Variants in COL27A1 observed in about 807,000 individuals in gnomAD.
The protein encoded by COL27A1 is collagen type XXVII alpha 1 chain.
A neutral mutation model predicts 251.3 loss-of-function variants in COL27A1; 106 were observed. The ratio of observed to expected loss-of-function variants is 0.42; its 90% confidence interval spans 0.36 to 0.50. The LOEUF is 0.50. Ranked by LOEUF, COL27A1 falls within the 20% of genes least tolerant of loss-of-function variation. The pLI is 0.00. For missense variants in COL27A1, 2,325 were observed against 2,522.8 expected, an observed-to-expected ratio of 0.92 and a Z score of 1.68; for synonymous variants, 1,000 against 986.3, an observed-to-expected ratio of 1.01 and a Z score of -0.26.
At chr9:114,181,580 G>A (rs1827919769) in intron 4 of COL27A1, among the ~76,000 whole-genome samples, 1 of 152,190 alleles carries the variant, frequency 6.6e-6, no homozygotes, top group Admixed American at 6.5e-5. Context: ...GGACCCTTGA[G>A]GGTGCCTCTC....
chr9:114,220,692 G>A (rs1379738892), intron 13 of COL27A1, among the ~76,000 whole-genome samples: 1 of 152,110 alleles, frequency 6.6e-6, no homozygotes, highest in African/African-American at 2.4e-5. Context: ...CAAATTGGGG[G>A]GATCAGAATT....
intron 3 of COL27A1, among the ~76,000 whole-genome samples, chr9:114,177,453 T>C (rs995496257): frequency 1.3e-5 from 2 of 151,114 alleles, no homozygotes; most frequent in Non-Finnish European, 3.0e-5. Flanking sequence ...GAGGAGAGAG[T>C]AGAGGCAGGG....
chr9:114,267,601 G>A, intron 34 of COL27A1, 44 bp downstream of exon 34: 1 of 1,538,466 alleles, frequency 6.5e-7, no homozygotes, highest in Non-Finnish European at 8.9e-7. Context: ...GTTGAAACCA[G>A]CTCCCAGATG....
At chr9:114,288,641 C>A in intron 42 of COL27A1, 61 bp from the exon 43 acceptor site, 1 of 1,576,796 alleles carries the variant, frequency 6.3e-7, no homozygotes, top group Non-Finnish European at 8.7e-7. Context: ...GCCAACAGGG[C>A]CCAGGGCTGG....
intron 5 of COL27A1, 135 bp downstream of exon 5, chr9:114,183,210 T>C: frequency 2.5e-6 from 2 of 793,488 alleles, no homozygotes; most frequent in Non-Finnish European, 4.2e-6. Context: ...AGGGGCACCC[T>C]CTGGGCCCCT....
intron 24 of COL27A1, among the ~76,000 whole-genome samples, chr9:114,248,157 C>T (rs1025939835): frequency 2.0e-5 from 3 of 152,292 alleles, no homozygotes; most frequent in Non-Finnish European, 2.9e-5. Context: ...ATGCCTGCCT[C>T]GAGGGCTGAA....
chr9:114,236,113 A>C (rs891514866), intron 17 of COL27A1, among the ~76,000 whole-genome samples: 1 of 151,872 alleles, frequency 6.6e-6, no homozygotes, highest in African/African-American at 2.4e-5. Flanking sequence ...ACACACACAG[A>C]CTGCTACCCG....
chr9:114,154,160 G>A (rs1847987869), upstream of COL27A1, among the ~76,000 whole-genome samples: 1 of 152,032 alleles, frequency 6.6e-6, no homozygotes. This position sits in a 1 kb window ranked among gnomAD's most constrained non-coding sequence, Gnocchi z 5.8. Flanking sequence ...CAGAGCTGCC[G>A]AAGTTCGAGC....
At position 114,268,764 on chromosome 9, in the gene COL27A1, C is replaced by G. The variant is rs115027248; in HGVS notation, c.3502-477C>G. 2.3e-3 allele frequency: 356 copies of G among 153,324 alleles called. 1 individual carries two copies. Among genetic ancestry groups the G allele is most frequent in the African/African-American group, 8.5e-3 (352 of 41,568 alleles). The allele number at this position is 153,324 out of a possible 1,614,324, so 9.5% of individuals were successfully genotyped here. ...CAGCCTGGGCAACGTAGTGAGACCC[C>G]ATCTCTACAAAAAATTTAAAAATCT... On this transcript the variant is annotated intron_variant, in intron 34 of 60. Transcript: ENST00000356083.
intron 2 of COL27A1, among the ~76,000 whole-genome samples, chr9:114,165,827 T>TACCC (rs1554785941): frequency 2.9e-5 from 4 of 135,734 alleles, no homozygotes; most frequent in Non-Finnish European, 4.7e-5. Flanking sequence ...AGGCATTATT[T>TACCC]ATCCATCCAT....
At chr9:114,224,024 A>C (rs1418671451) in intron 14 of COL27A1, among the ~76,000 whole-genome samples, 1 of 152,212 alleles carries the variant, frequency 6.6e-6, no homozygotes, top group Non-Finnish European at 1.5e-5. Context: ...GCAATTGATA[A>C]GTGATGTCTG....
chr9:114,305,075 C>A (rs1828936770), intron 57 of COL27A1, among the ~76,000 whole-genome samples: 1 of 152,196 alleles, frequency 6.6e-6, no homozygotes, highest in African/African-American at 2.4e-5. Context: ...CTGCTAAGAA[C>A]CTGCCCTGTG....
At chr9:114,154,117 A>G (rs1218217125), upstream of COL27A1, among the ~76,000 whole-genome samples, 1 of 151,732 alleles carries the variant, frequency 6.6e-6, no homozygotes, top group Non-Finnish European at 1.5e-5. The surrounding 1 kb of genome is among the most constrained non-coding windows in gnomAD (Gnocchi z 5.8). Flanking sequence ...AGCCGCCCCC[A>G]GCTCTCGGAG....
intron 33 of COL27A1, among the ~76,000 whole-genome samples, chr9:114,267,243 G>C (rs894226928): frequency 2.0e-5 from 3 of 152,164 alleles, no homozygotes; most frequent in Admixed American, 2.0e-4. Context: ...AGGGCTCCTA[G>C]TGTGGTAAAC....
chr9:114,240,514 C>T, intron 21 of COL27A1, 27 bp downstream of exon 21: 1 of 1,595,974 alleles, frequency 6.3e-7, no homozygotes, highest in Non-Finnish European at 8.5e-7. Context: ...CCCTCCACTG[C>T]CCATCCTGGC....
At chr9:114,189,728 A>G (rs1337514011) in intron 5 of COL27A1, among the ~76,000 whole-genome samples, 1 of 152,152 alleles carries the variant, frequency 6.6e-6, no homozygotes, top group African/African-American at 2.4e-5. Context: ...ATACTTAGAA[A>G]TTTTATATAT....
chr9:114,197,681 C>A (rs1204947135), intron 7 of COL27A1, among the ~76,000 whole-genome samples: 1 of 152,198 alleles, frequency 6.6e-6, no homozygotes, highest in African/African-American at 2.4e-5. Context: ...AGGCCAAGGA[C>A]CCCCAACCAA....
At chr9:114,244,088 G>A (rs1588749312) in intron 23 of COL27A1, among the ~76,000 whole-genome samples, 2 of 152,070 alleles carry the variant, frequency 1.3e-5, no homozygotes. Flanking sequence ...ACCACGCCCA[G>A]CTAATTTTTT....
At chr9:114,164,751 G>A (rs1406571149) in intron 2 of COL27A1, among the ~76,000 whole-genome samples, 4 of 152,282 alleles carry the variant, frequency 2.6e-5, no homozygotes, top group African/African-American at 9.6e-5. Flanking sequence ...TAATAAGAGG[G>A]TTTCAGTGAC....
Sources: allele counts gnomAD v4.1 joint callset (sites outside exome capture counted in the v4.1 genomes callset), GRCh38; gene constraint gnomAD v4.1.1; non-coding constraint Gnocchi (gnomAD v3.1); transcripts MANE v1.5; gene names NCBI Gene and HGNC (gene_info 2026-07-23, HGNC 2026-07-21).